Variants in C17orf78 observed in about 807,000 individuals in gnomAD.
C17orf78 encodes the protein uncharacterized protein C17orf78.
A neutral mutation model predicts 31.8 loss-of-function variants in C17orf78; 27 were observed. That is an observed-to-expected ratio of 0.85 (90% CI 0.63 to 1.17). The LOEUF is 1.17. Ranked by LOEUF, C17orf78 falls within the 50% of genes most tolerant of loss-of-function variation. The pLI is 0.00. For synonymous variants in C17orf78, 106 were observed against 115.1 expected (o/e 0.92, Z 0.51); for missense variants, 258 against 315.2 (o/e 0.82, Z 1.37).
rs56281903 is a variant in C17orf78, at chr17:37,388,352, C to T, written c.509-318C>T. 4.0e-3 allele frequency among the ~76,000 whole-genome samples: 615 copies of T among 152,208 alleles called. 4 individuals carry two copies. The highest frequency in any genetic ancestry group is 0.012 in the South Asian group (56 of 4,820). ...AGCTGACAGTAAAAGAAGTTTAGAG[C>T]TCCATGTGTACCCGAGATTTTTCTT... is the stretch of plus-strand genomic sequence containing the variant. On this transcript the variant is annotated intron_variant, in intron 4 of 6. Transcript: ENST00000615133.
At chr17:37,381,773 A>G (rs138642197) in intron 3 of C17orf78, among the ~76,000 whole-genome samples, 4,583 of 150,660 alleles carry the variant, frequency 0.03, 181 homozygotes, top group African/African-American at 0.077. Context: ...GACTACAGGC[A>G]CTCGCCACCA....
chr17:37,391,976 C>T lies in C17orf78; in HGVS notation c.*252C>T. On this transcript the variant is annotated 3_prime_UTR_variant, in exon 7 of 7. Coordinates refer to ENST00000615133, the MANE Select transcript of C17orf78 (RefSeq NM_173625.5). The stretch of plus-strand genomic sequence containing the variant: ...ACCTTTCCATCCCCTCAAACGAGAA[C>T]AAAAAGTATTCCCTGCAAGCACTAT... The T allele has an allele frequency of 2.0e-6, 1 of 503,752 alleles. No homozygotes were observed. Among genetic ancestry groups the T allele is most frequent in the Non-Finnish European group, 3.5e-6 (1 of 282,460 alleles). 31.2% of individuals were successfully genotyped at this position (503,752 alleles called of 1,614,324 possible). A position where few individuals can be genotyped will look rare whatever the true frequency, so the allele number is the denominator to read the frequency against.
At chr17:37,378,154 T>G (rs916094723) in intron 2 of C17orf78, among the ~76,000 whole-genome samples, 189 bp downstream of exon 2, 2 of 152,176 alleles carry the variant, frequency 1.3e-5, no homozygotes, top group Non-Finnish European at 2.9e-5. Flanking sequence ...CATGCTTATA[T>G]TACTCAAATG....
Position 37,391,639 on chromosome 17 carries a change from A to C in C17orf78, c.751-8A>C. On this transcript the variant is annotated splice_polypyrimidine_tract_variant and splice_region_variant and intron_variant, in intron 6 of 6. Transcript: ENST00000615133. ...TTTTTAACTTTCATATTTCCTTTCA[A>C]TCTCTAGGTTGGACAAGATGCTGCC... is the stretch of plus-strand genomic sequence containing the variant. 1 of 1,612,938 alleles carries C rather than the reference A, an allele frequency of 6.2e-7. No individual in the cohort carries two copies. Among genetic ancestry groups the C allele is most frequent in the South Asian group, 1.1e-5 (1 of 91,056 alleles).
rs187967342 is a variant in C17orf78 at position 37,386,096 on chromosome 17, A to G, written c.479A>G (p.Asn160Ser). 12 of 1,592,620 alleles carry G rather than the reference A, an allele frequency of 7.5e-6. 1 individual carries two copies. In the African/African-American group the frequency reaches 1.2e-4, roughly 16 times the overall value. Reference sequence around the variant, plus strand: ...ACTGCCCCTTCTATAACTCCTGGGAATAAAGAAGGAGAGAAAACTACAAGT... The same window carrying G: ...ACTGCCCCTTCTATAACTCCTGGGAGTAAAGAAGGAGAGAAAACTACAAGT... ...PTTAPSITPGNKEGEKTTSTD... is the reference protein window; with the variant it reads ...PTTAPSITPGSKEGEKTTSTD... The change falls in exon 4 of 7, where the codon AAT becomes AGT. Residue 160 changes from asparagine (N) to serine (S), a missense_variant. Physicochemically the swap from Asn to Ser is conservative, Grantham distance 46. Transcript: ENST00000615133.
At chr17:37,390,326 A>ATCTC (rs2050812843) in intron 6 of C17orf78, among the ~76,000 whole-genome samples, 1 of 72,910 alleles carries the variant, frequency 1.4e-5, no homozygotes, top group Non-Finnish European at 2.3e-5. Context: ...ATATATATAT[A>ATCTC]TATATATAAA....
In C17orf78 at chr17:37,380,433, GA is replaced by G. The variant is rs967382610; in HGVS notation, c.391+1061del. Reference sequence around the variant, plus strand: ...TAAAACTTAAAGTATAATAATAAAAGAAAAAAAAAAGAAAATGAATTATCCT... The same window carrying G: ...TAAAACTTAAAGTATAATAATAAAAGAAAAAAAAAGAAAATGAATTATCCT... On this transcript the variant is annotated intron_variant, in intron 3 of 6. Coordinates refer to ENST00000615133, the MANE Select transcript of C17orf78 (RefSeq NM_173625.5). Among the ~76,000 whole-genome samples the G allele has an allele frequency of 5.0e-4, 73 of 146,116 alleles. 3 individuals carry two copies. The South Asian group carries it at 0.012, about 23-fold the overall frequency.
At position 37,385,993 on chromosome 17, in the gene C17orf78, C is replaced by T; in HGVS notation, c.392-16C>T. On this transcript the variant is annotated splice_polypyrimidine_tract_variant and intron_variant, in intron 3 of 6. Transcript: ENST00000615133. ...GTTTTCCCCTAAAGTTTCATCTTTT[C>T]TACTTTGTTTTATAGCTTTTTTACC... is the stretch of plus-strand genomic sequence containing the variant. The T allele has an allele frequency of 1.3e-6, 2 of 1,504,192 alleles. No homozygotes were observed. Among genetic ancestry groups the T allele is most frequent in the African/African-American group, 2.8e-5 (2 of 72,044 alleles). 93.2% of individuals were successfully genotyped at this position (1,504,192 alleles called of 1,614,324 possible). A position where few individuals can be genotyped will look rare whatever the true frequency, so the allele number is the denominator to read the frequency against.
Position 37,379,225 on chromosome 17 carries a change from A to T in C17orf78, c.234A>T (p.Lys78Asn). 1 of 1,614,032 alleles carries T rather than the reference A, an allele frequency of 6.2e-7. No individual in the cohort carries two copies. Among genetic ancestry groups the T allele is most frequent in the Non-Finnish European group, 8.5e-7 (1 of 1,179,896 alleles). ...LQCLGSDSKV[K>N]VNLVYLERRP... is the part of the protein sequence containing the mutation. ...GCCTTGGCTCTGACAGCAAAGTAAA[A>T]GTCAACCTTGTATATTTGGAGAGAA... The change falls in exon 3 of 7, where the codon AAA (lysine) becomes AAT (asparagine). Residue 78 changes from lysine (K) to asparagine (N), a missense_variant. By Grantham distance (94) the Lys-to-Asn change is moderately conservative. Transcript: ENST00000615133.
intron 2 of C17orf78, 84 bp from the exon 3 acceptor site, chr17:37,379,053 C>T: frequency 6.9e-7 from 1 of 1,449,248 alleles, no homozygotes; most frequent in Non-Finnish European, 9.2e-7. Flanking sequence ...GCTTGGGTGA[C>T]AGAGCAAGGC....
intron 6 of C17orf78, 26 bp downstream of exon 6, chr17:37,389,388 T>C (rs2050689868): frequency 2.6e-6 from 4 of 1,557,460 alleles, no homozygotes; most frequent in Non-Finnish European, 3.5e-6. Context: ...GTGGTTTATG[T>C]CATTTGCTTA....
chr17:37,379,518 T>C, intron 3 of C17orf78, 136 bp downstream of exon 3: 2 of 1,251,064 alleles, frequency 1.6e-6, no homozygotes, highest in Admixed American at 2.8e-5. Flanking sequence ...GTTTTTTTTC[T>C]TGTAAATTTG....
intron 6 of C17orf78, 21 bp downstream of exon 6, chr17:37,389,383 TTA>T (rs759840881): frequency 6.4e-7 from 1 of 1,559,696 alleles, no homozygotes; most frequent in Non-Finnish European, 8.7e-7. Context: ...TCTGTGTGGT[TTA>T]TGTCATTTGC....
intron 1 of C17orf78, 55 bp downstream of exon 1, chr17:37,376,205 A>C: frequency 6.9e-7 from 1 of 1,451,428 alleles, no homozygotes; most frequent in Non-Finnish European, 9.7e-7. Context: ...GCCTAGAAAG[A>C]GTTTCGGGGT....
intron 3 of C17orf78, among the ~76,000 whole-genome samples, chr17:37,382,285 T>A (rs1405504025): frequency 6.6e-6 from 1 of 152,074 alleles, no homozygotes; most frequent in Non-Finnish European, 1.5e-5. Context: ...GGACAGTGGT[T>A]CTTAACCTCA....
intron 6 of C17orf78, 68 bp downstream of exon 6, chr17:37,389,430 C>A (rs1168726184): frequency 1.3e-6 from 2 of 1,528,440 alleles, no homozygotes; most frequent in Admixed American, 2.0e-5. Flanking sequence ...GGCGTGGTGG[C>A]TCACACCTCT....
chr17:37,381,525 C>T (rs1383714011), intron 3 of C17orf78, among the ~76,000 whole-genome samples: 4 of 151,326 alleles, frequency 2.6e-5, no homozygotes, highest in African/African-American at 7.3e-5. Context: ...TCTTATAGGT[C>T]GTTCCATTTC....
rs1167945419 is a variant in C17orf78, at chr17:37,390,303, AT to A, written c.750+943del. Among the ~76,000 whole-genome samples, 6 of 19,940 alleles carry A rather than the reference AT, an allele frequency of 3.0e-4. 1 individual carries two copies. Among genetic ancestry groups the A allele is most frequent in the Non-Finnish European group, 3.9e-4 (5 of 12,872 alleles). The allele number at this position is 19,940 out of a possible 152,430, so 13.1% of individuals were successfully genotyped here. A position where few individuals can be genotyped will look rare whatever the true frequency, so the allele number is the denominator to read the frequency against. On this transcript the variant is annotated intron_variant, in intron 6 of 6. Transcript: ENST00000615133. Reference sequence around the variant, plus strand: ...TATATATAATTATATATTATACATAATTATATATATATATATATATATATAT... The same window carrying A: ...TATATATAATTATATATTATACATAATATATATATATATATATATATATAT...
Position 37,388,759 on chromosome 17 carries a change from A to C in C17orf78, c.598A>C (p.Ile200Leu). Residue 200 changes from isoleucine (I) to leucine (L), a missense_variant, in exon 5 of 7, where the codon ATT becomes CTT. Coordinates refer to ENST00000615133, the MANE Select transcript of C17orf78 (RefSeq NM_173625.5). ...AVTLLLSGVA[I>L]IVFVIFEVPC... The stretch of plus-strand genomic sequence containing the variant: ...CACCCTGTTGCTCAGTGGAGTTGCC[A>C]TTATAGTATTTGTAATTTTTGAAGT... 1 of 1,613,140 alleles carries C rather than the reference A, an allele frequency of 6.2e-7. No individual in the cohort carries two copies. The highest frequency in any genetic ancestry group is 8.5e-7 in the Non-Finnish European group (1 of 1,179,526).
Sources: gnomAD v4.1 joint callset for allele counts (sites outside exome capture counted in the v4.1 genomes callset) on GRCh38, gnomAD v4.1.1 for gene constraint, MANE v1.5 for transcripts, NCBI Gene and HGNC (gene_info 2026-07-23, HGNC 2026-07-21) for gene names.